Variants in CDK19 observed in about 807,000 individuals in gnomAD.
CDK19 encodes the protein cyclin-dependent kinase 19.
A neutral mutation model predicts 68.3 loss-of-function variants in CDK19; 20 were observed. The ratio of observed to expected loss-of-function variants is 0.29; its 90% CI spans 0.21 to 0.43. The LOEUF (loss-of-function observed/expected upper bound fraction) is 0.43. Ranked by LOEUF, CDK19 falls within the 20% of genes least tolerant of loss-of-function variation. The pLI, the probability that CDK19 is intolerant of heterozygous loss-of-function variation, is 1.00. For synonymous variants in CDK19, 221 were observed against 222.8 expected, an observed-to-expected ratio of 0.99 and a Z score of 0.07; for missense variants, 339 against 623.5, an observed-to-expected ratio of 0.54 and a Z score of 4.86.
intron 1 of CDK19, among the ~76,000 whole-genome samples, chr6:110,747,052 A>G (rs1356729052): frequency 6.6e-6 from 1 of 152,220 alleles, no homozygotes; most frequent in African/African-American, 2.4e-5. Context: ...AGCTGTTCTT[A>G]TAAGAGAAGT....
chr6:110,634,795 G>T (rs1779658455), intron 5 of CDK19, among the ~76,000 whole-genome samples: 1 of 152,170 alleles, frequency 6.6e-6, no homozygotes, highest in African/African-American at 2.4e-5. Context: ...ATGATGGAAT[G>T]CTGTTTCATC....
At chr6:110,640,597 A>G (rs1321329307) in intron 4 of CDK19, among the ~76,000 whole-genome samples, 1 of 152,182 alleles carries the variant, frequency 6.6e-6, no homozygotes, top group Non-Finnish European at 1.5e-5. Context: ...GACACAGAAA[A>G]GTTATAAGAG....
At chr6:110,814,571 GC>G in intron 1 of CDK19, 1 of 457,234 alleles carries the variant, frequency 2.2e-6, no homozygotes, top group South Asian at 1.5e-5. Flanking sequence ...GTTTCAAACC[GC>G]CGCCCCCGCG....
At chr6:110,792,273 AT>A (rs2115073792) in intron 1 of CDK19, among the ~76,000 whole-genome samples, 1 of 151,724 alleles carries the variant, frequency 6.6e-6, no homozygotes, top group African/African-American at 2.4e-5. Flanking sequence ...CTGGCCCTTT[AT>A]TTATTTTTTT....
At chr6:110,713,887 T>A (rs1466585348) in intron 2 of CDK19, among the ~76,000 whole-genome samples, 1 of 152,112 alleles carries the variant, frequency 6.6e-6, no homozygotes, top group Non-Finnish European at 1.5e-5. Context: ...CTTAAAAAAA[T>A]TTGTCTTAAA....
chr6:110,622,385 T>C (rs1778776531), intron 10 of CDK19, among the ~76,000 whole-genome samples: 1 of 152,192 alleles, frequency 6.6e-6, no homozygotes, highest in Non-Finnish European at 1.5e-5. Context: ...AATTTGTATT[T>C]GCCTTAACAA....
At chr6:110,619,009 CAG>C (rs1312908205) in intron 12 of CDK19, among the ~76,000 whole-genome samples, 6 of 152,134 alleles carry the variant, frequency 3.9e-5, no homozygotes, top group Non-Finnish European at 7.4e-5. Context: ...AGCGAACTTT[CAG>C]AGAGTGAAAG....
At chr6:110,771,450 C>G (rs1042382268) in intron 1 of CDK19, among the ~76,000 whole-genome samples, 4 of 152,140 alleles carry the variant, frequency 2.6e-5, no homozygotes, top group Non-Finnish European at 4.4e-5. Context: ...TGCAGGGCAC[C>G]AAGTCCCTAG....
intron 1 of CDK19, chr6:110,814,523 A>G (rs1301047809): frequency 2.2e-6 from 1 of 447,624 alleles, no homozygotes; most frequent in Non-Finnish European, 4.5e-6. Flanking sequence ...GCTGGCGAGG[A>G]CCCCAGGCCG....
At chr6:110,695,381 T>C (rs1773388236) in intron 2 of CDK19, among the ~76,000 whole-genome samples, 1 of 152,126 alleles carries the variant, frequency 6.6e-6, no homozygotes, top group African/African-American at 2.4e-5. Context: ...ATTCATAGCA[T>C]TAAATGCCTA....
In CDK19 at chr6:110,635,084, TC is replaced by T. The variant is rs1779675671; in HGVS notation, c.515-2924del. Reference sequence around the variant, plus strand: ...TAAAATTACACATGGATGAAATTGTTCCAGTTCACAGATAAGGTTAGTAAAA... The same window carrying T: ...TAAAATTACACATGGATGAAATTGTTCAGTTCACAGATAAGGTTAGTAAAA... On this transcript the variant is annotated intron_variant, in intron 5 of 12. Coordinates refer to ENST00000368911, the MANE Select transcript of CDK19 (RefSeq NM_015076.5). Among the ~76,000 whole-genome samples the T allele has an allele frequency of 2.0e-5, 3 of 152,344 alleles. No homozygotes were observed. The East Asian group carries it at 5.8e-4, about 29-fold the overall frequency.
chr6:110,813,537 C>T (rs1209629443), intron 1 of CDK19: 1 of 152,100 alleles, frequency 6.6e-6, no homozygotes, highest in Non-Finnish European at 1.5e-5. Context: ...TAGTATCTCA[C>T]ATTCCATGAT....
intron 2 of CDK19, among the ~76,000 whole-genome samples, chr6:110,679,512 C>T (rs558022431): frequency 2.0e-3 from 300 of 151,938 alleles, no homozygotes; most frequent in African/African-American, 7.0e-3. Flanking sequence ...CTCAGGAGGC[C>T]GAGGCAGGAG....
intron 1 of CDK19, among the ~76,000 whole-genome samples, chr6:110,772,649 C>T (rs963559157): frequency 6.6e-6 from 1 of 152,062 alleles, no homozygotes; most frequent in Non-Finnish European, 1.5e-5. Flanking sequence ...AAATAAAAAA[C>T]AAAACTGCCA....
intron 1 of CDK19, among the ~76,000 whole-genome samples, chr6:110,804,699 T>C (rs1227254913): frequency 2.8e-5 from 4 of 145,204 alleles, no homozygotes; most frequent in African/African-American, 1.0e-4. Context: ...CTCACACCTG[T>C]AATCCCAGCA....
chr6:110,658,961 A>G (rs1025706585), intron 4 of CDK19, among the ~76,000 whole-genome samples: 1 of 152,232 alleles, frequency 6.6e-6, no homozygotes, highest in African/African-American at 2.4e-5. Context: ...CAACAACCAT[A>G]TAAATTACTT....
intron 4 of CDK19, among the ~76,000 whole-genome samples, chr6:110,651,435 C>A (rs1477444811): frequency 6.6e-6 from 1 of 152,028 alleles, no homozygotes; most frequent in African/African-American, 2.4e-5. Context: ...CATTTTAAAA[C>A]ACATAATAAA....
At chr6:110,726,099 G>A (rs1776294969) in intron 2 of CDK19, among the ~76,000 whole-genome samples, 2 of 151,582 alleles carry the variant, frequency 1.3e-5, no homozygotes, top group African/African-American at 4.8e-5. Context: ...GAACAATAAG[G>A]TAAAGAAAAA....
At position 110,619,371 on chromosome 6, in the gene CDK19, T is replaced by C. The variant is rs182361379; in HGVS notation, c.1377+1733A>G. Reference sequence around the variant, plus strand: ...AGGCTGCTCTCAGGCAGTCAAGGTTTTAACCAAGATGGTTTTGGGTAAAGA... The same window carrying C: ...AGGCTGCTCTCAGGCAGTCAAGGTTCTAACCAAGATGGTTTTGGGTAAAGA... On this transcript the variant is annotated intron_variant, in intron 12 of 12. Coordinates refer to ENST00000368911, the MANE Select transcript of CDK19 (RefSeq NM_015076.5). Among the ~76,000 whole-genome samples the C allele has an allele frequency of 2.0e-5, 3 of 152,266 alleles. No homozygotes were observed. In the East Asian group the frequency reaches 5.8e-4, roughly 30 times the overall value.
Sources: gnomAD v4.1 joint callset for allele counts (sites outside exome capture counted in the v4.1 genomes callset) on GRCh38, gnomAD v4.1.1 for gene constraint, MANE v1.5 for transcripts, NCBI Gene and HGNC (gene_info 2026-07-23, HGNC 2026-07-21) for gene names.